The following NRXN3 variants were observed in gnomAD, a reference collection of about 807,000 sequenced individuals.
The protein encoded by NRXN3 is neurexin III.
Under a neutral mutation model 137.6 loss-of-function variants are expected in NRXN3, and 32 were observed. The observed-to-expected ratio is 0.23, with a 90% confidence interval of 0.18 to 0.31. The LOEUF (loss-of-function observed/expected upper bound fraction) is 0.31. Ranked by LOEUF, NRXN3 falls within the 10% of genes least tolerant of loss-of-function variation. The pLI, the probability that NRXN3 is intolerant of heterozygous loss-of-function variation, is 1.00. For synonymous variants in NRXN3, 798 were observed against 784.5 expected, an observed-to-expected ratio of 1.02 and a Z score of -0.29; for missense variants, 1,574 against 2,062.5, an observed-to-expected ratio of 0.76 and a Z score of 4.59.
intron 15 of NRXN3, among the ~76,000 whole-genome samples, chr14:79,208,680 T>G (rs2067166041): frequency 6.6e-6 from 1 of 152,188 alleles, no homozygotes; most frequent in Non-Finnish European, 1.5e-5. Flanking sequence ...CTTACTCTGA[T>G]TAACTCAATT....
chr14:79,381,161 T>C (rs1993010), intron 15 of NRXN3, among the ~76,000 whole-genome samples: 12,093 of 151,954 alleles, frequency 0.08, 508 homozygotes, highest in Middle Eastern at 0.1. Flanking sequence ...TTTGTAAGAA[T>C]TCTGGGTGAA....
rs948140576 is a variant in NRXN3 at position 79,559,238 on chromosome 14, T to G, written c.3444+91836T>G. On this transcript the variant is annotated intron_variant, in intron 16 of 20. Transcript: ENST00000335750. ...TTGCATCCACTACTTGGCTCAGTGC[T>G]TGGCTTAGCTTTTAGTCTATCCTGG... Among the ~76,000 whole-genome samples the G allele has an allele frequency of 8.5e-5, 13 of 152,208 alleles. 1 individual carries two copies. Among genetic ancestry groups the G allele is most frequent in the Admixed American group, 7.9e-4 (12 of 15,274 alleles).
At chr14:79,761,119 C>CA in intron 19 of NRXN3, among the ~76,000 whole-genome samples, 1 of 151,196 alleles carries the variant, frequency 6.6e-6, no homozygotes. Flanking sequence ...ACAGATAATG[C>CA]AAAAAAAGAT....
chr14:79,423,382 T>A (rs12436858), intron 15 of NRXN3, among the ~76,000 whole-genome samples: 133,664 of 152,178 alleles, frequency 0.88, 60,689 homozygotes, highest in Non-Finnish European at 0.99. Context: ...CCCAACCTAT[T>A]GGGTATACAT....
intron 4 of NRXN3, among the ~76,000 whole-genome samples, chr14:78,511,888 A>G (rs2096115432): frequency 1.3e-5 from 2 of 152,106 alleles, no homozygotes; most frequent in Non-Finnish European, 2.9e-5. Flanking sequence ...ACCCACTTCT[A>G]TGAGAGCATC....
chr14:79,637,729 C>CTTTTTT lies in NRXN3; in HGVS notation c.3445-26036_3445-26031dup, dbSNP rs554654576. The stretch of plus-strand genomic sequence containing the variant: ...AACTGATGTAAGATATAGAAAAGTT[C>CTTTTTT]TTTTTTTTTTTTTTTTTTGAGATGG... On this transcript the variant is annotated intron_variant, in intron 16 of 20. Transcript: ENST00000335750. 2.3e-3 allele frequency among the ~76,000 whole-genome samples: 224 copies of CTTTTTT among 95,584 alleles called. 33 individuals are homozygous for CTTTTTT. The highest frequency in any genetic ancestry group is 4.8e-3 in the African/African-American group (88 of 18,394). The allele number at this position is 95,584 out of a possible 152,430, so 62.7% of individuals were successfully genotyped here.
At chr14:78,216,185 AAGAC>A (rs1370924757) in intron 1 of NRXN3, among the ~76,000 whole-genome samples, 1 of 148,166 alleles carries the variant, frequency 6.7e-6, no homozygotes, top group African/African-American at 2.4e-5. Context: ...ATTATATTCA[AAGAC>A]AGATTTTTTT....
intron 15 of NRXN3, 91 bp from the exon 16 acceptor site, chr14:79,467,130 C>T: frequency 1.6e-6 from 2 of 1,254,302 alleles, no homozygotes; most frequent in Non-Finnish European, 2.2e-6. Flanking sequence ...TTCCTCTCTG[C>T]AGCTGTTCTG....
intron 3 of NRXN3, among the ~76,000 whole-genome samples, chr14:78,282,653 AGATACCTTTGCTG>A (rs1164114737): frequency 6.6e-6 from 1 of 152,176 alleles, no homozygotes; most frequent in Non-Finnish European, 1.5e-5. Context: ...CCAAAGGAAC[AGATACCTTTGCTG>A]GAGCCTTCCC....
chr14:79,535,950 C>T (rs1445880164), intron 16 of NRXN3, among the ~76,000 whole-genome samples: 1 of 152,118 alleles, frequency 6.6e-6, no homozygotes, highest in East Asian at 1.9e-4. Context: ...ATCGAGAGCC[C>T]AGTGGGATTA....
At chr14:79,664,372 C>T (rs1433141044) in intron 17 of NRXN3, among the ~76,000 whole-genome samples, 1 of 152,082 alleles carries the variant, frequency 6.6e-6, no homozygotes. Flanking sequence ...CAGAGAGAGA[C>T]TCTAAAAGGA....
intron 19 of NRXN3, among the ~76,000 whole-genome samples, chr14:79,739,547 G>C (rs1031831362): frequency 1.3e-5 from 2 of 149,094 alleles, no homozygotes; most frequent in Non-Finnish European, 3.0e-5. Context: ...AGGAGGCTGA[G>C]GCAGGAGAAT....
Position 78,966,395 on chromosome 14 carries a change from G to A in NRXN3, c.2766G>A (p.Glu922=). 6.2e-7 allele frequency: 1 copy of A among 1,612,350 alleles called. No individual in the cohort carries two copies. The highest frequency in any genetic ancestry group is 2.2e-5 in the East Asian group (1 of 44,826). ...ATGGCAATGACTTCATTGCAGTCGA[G>A]CTTGTCAAGGGGTAAGTAGAAGGGA... ...SGDGNDFIAV[E]LVKGYIHYVF... Residue 922 remains glutamate, a synonymous_variant, in exon 12 of 21, where the codon GAG becomes GAA. Transcript: ENST00000335750.
chr14:78,409,671 AG>A (rs1237546224), intron 4 of NRXN3, among the ~76,000 whole-genome samples: 2 of 152,216 alleles, frequency 1.3e-5, no homozygotes, highest in African/African-American at 4.8e-5. Flanking sequence ...GGTTTGGTCA[AG>A]AGGCTGAAAA....
rs138686214 is a variant in NRXN3 at position 78,930,058 on chromosome 14, T to A, written c.2276-27184T>A. Among the ~76,000 whole-genome samples, 689 of 152,296 alleles carry A rather than the reference T, an allele frequency of 4.5e-3. 10 individuals are homozygous for A. The highest frequency in any genetic ancestry group is 0.015 in the African/African-American group (644 of 41,572). On this transcript the variant is annotated intron_variant, in intron 10 of 20. Coordinates refer to ENST00000335750, the MANE Select transcript of NRXN3 (RefSeq NM_001330195.2). ...TCTTTAAATAGATGGCATGAACAGCTGTAGATAACTGCAGGGTGTAAAAAT... is the reference window on the plus strand; with the variant it reads ...TCTTTAAATAGATGGCATGAACAGCAGTAGATAACTGCAGGGTGTAAAAAT...
chr14:79,305,674 C>T (rs1040345338), intron 15 of NRXN3, among the ~76,000 whole-genome samples: 1 of 152,052 alleles, frequency 6.6e-6, no homozygotes, highest in Non-Finnish European at 1.5e-5. Flanking sequence ...TTTTAACTTA[C>T]CAATTTCACC....
At chr14:78,789,676 A>C (rs1455480442) in intron 8 of NRXN3, among the ~76,000 whole-genome samples, 6 of 152,212 alleles carry the variant, frequency 3.9e-5, no homozygotes, top group Non-Finnish European at 8.8e-5. Context: ...CCTAATAACT[A>C]TCATTCACCA....
At chr14:79,659,587 TGAG>T (rs1246835625) in intron 16 of NRXN3, among the ~76,000 whole-genome samples, 59 of 152,164 alleles carry the variant, frequency 3.9e-4, no homozygotes, top group Non-Finnish European at 1.9e-4. Flanking sequence ...GTTACACTAA[TGAG>T]GAGAAAGAAG....
chr14:79,066,679 A>G (rs1316980694), intron 15 of NRXN3, among the ~76,000 whole-genome samples: 1 of 151,946 alleles, frequency 6.6e-6, no homozygotes, highest in Non-Finnish European at 1.5e-5. Context: ...GAGTTCCTTC[A>G]CTTCCCTTGT....
Sources: allele counts gnomAD v4.1 joint callset (sites outside exome capture counted in the v4.1 genomes callset), GRCh38; gene constraint gnomAD v4.1.1; transcripts MANE v1.5; gene names NCBI Gene and HGNC (gene_info 2026-07-23, HGNC 2026-07-21).